KIRREL3: variants seen among roughly 807,000 people sequenced by gnomAD.
KIRREL3 encodes kirre like nephrin family adhesion molecule 3.
KIRREL3 carries 36 observed loss-of-function variants against 89.7 expected under a neutral mutation model. The observed-to-expected ratio is 0.40, with a 90% CI of 0.31 to 0.53. The LOEUF is 0.53. KIRREL3 is among the 20% of genes least tolerant of loss of function. The pLI is 0.49. For synonymous variants in KIRREL3, 445 were observed against 441.4 expected, an observed-to-expected ratio of 1.01 and a Z score of -0.10; for missense variants, 864 against 1,056.6, an observed-to-expected ratio of 0.82 and a Z score of 2.53.
chr11:126,959,500 A>G (rs1949021228), intron 1 of KIRREL3, among the ~76,000 whole-genome samples: 1 of 152,182 alleles, frequency 6.6e-6, no homozygotes, highest in African/African-American at 2.4e-5. Context: ...TGCATGCTAT[A>G]CTTGAATAAT....
intron 1 of KIRREL3, among the ~76,000 whole-genome samples, chr11:126,648,691 A>G (rs1282041492): frequency 1.3e-5 from 2 of 152,254 alleles, no homozygotes; most frequent in Non-Finnish European, 2.9e-5. Flanking sequence ...GAACATATAT[A>G]TGTATGTAAT....
At chr11:126,759,608 C>T (rs2134264962) in intron 1 of KIRREL3, among the ~76,000 whole-genome samples, 2 of 152,240 alleles carry the variant, frequency 1.3e-5, no homozygotes, top group Middle Eastern at 6.8e-3. Context: ...AGGAAGATGG[C>T]CTGCTTCTAA....
chr11:126,889,232 C>T (rs902794453), intron 1 of KIRREL3, among the ~76,000 whole-genome samples: 5 of 151,510 alleles, frequency 3.3e-5, no homozygotes, highest in Non-Finnish European at 7.4e-5. Context: ...CTTTATTCTC[C>T]CCCTGCCCCT....
chr11:126,529,992 C>CT (rs1390701425), intron 2 of KIRREL3, among the ~76,000 whole-genome samples: 1 of 151,374 alleles, frequency 6.6e-6, no homozygotes, highest in Admixed American at 6.6e-5. Flanking sequence ...TCTGACAGAC[C>CT]TTAGGGCCTC....
intron 1 of KIRREL3, among the ~76,000 whole-genome samples, chr11:126,775,935 C>A (rs1238221359): frequency 1.3e-5 from 2 of 152,132 alleles, no homozygotes; most frequent in African/African-American, 4.8e-5. Context: ...GACCTCTGAC[C>A]CCTATGGCTT....
intron 1 of KIRREL3, among the ~76,000 whole-genome samples, chr11:126,604,852 TCA>T (rs1942822327): frequency 6.6e-6 from 1 of 152,198 alleles, no homozygotes; most frequent in African/African-American, 2.4e-5. Context: ...CCTGCTAACT[TCA>T]CAGAGCCTCA....
At chr11:126,841,780 T>G (rs907228415) in intron 1 of KIRREL3, among the ~76,000 whole-genome samples, 4 of 152,262 alleles carry the variant, frequency 2.6e-5, no homozygotes, top group African/African-American at 9.6e-5. Context: ...CTTTCATTGT[T>G]GTTGGCAGTG....
intron 1 of KIRREL3, among the ~76,000 whole-genome samples, chr11:126,774,108 G>T (rs1176333259): frequency 2.0e-5 from 3 of 150,226 alleles, no homozygotes; most frequent in Non-Finnish European, 4.4e-5. Flanking sequence ...TTGGATACTT[G>T]CATGTAGGAG....
At chr11:126,603,575 A>G (rs982205535) in intron 1 of KIRREL3, among the ~76,000 whole-genome samples, 9 of 152,378 alleles carry the variant, frequency 5.9e-5, no homozygotes, top group African/African-American at 2.2e-4. Flanking sequence ...CTCTGCAGAC[A>G]TGCTGAACTG....
intron 1 of KIRREL3, among the ~76,000 whole-genome samples, chr11:126,984,483 C>G (rs1281165861): frequency 6.6e-6 from 1 of 152,160 alleles, no homozygotes; most frequent in Non-Finnish European, 1.5e-5. Flanking sequence ...GGGGTCACAG[C>G]CTATGGACCC....
rs1950532209 is a variant in KIRREL3 at position 126,788,011 on chromosome 11, G to A, written c.55+212444C>T. On this transcript the variant is annotated intron_variant, in intron 1 of 16. Coordinates refer to ENST00000525144, the MANE Select transcript of KIRREL3 (RefSeq NM_032531.4). This position sits in a 1 kb window ranked among gnomAD's most constrained non-coding sequence, Gnocchi z 4.1. ...TCATCACCCCCATTTTACAGGCAGGGAAGCTGAAGCACAGAGAGGTCAAGT... is the reference window on the plus strand; with the variant it reads ...TCATCACCCCCATTTTACAGGCAGGAAAGCTGAAGCACAGAGAGGTCAAGT... Among the ~76,000 whole-genome samples, 1 of 152,186 alleles carries A rather than the reference G, an allele frequency of 6.6e-6. No individual in the cohort carries two copies.
intron 1 of KIRREL3, among the ~76,000 whole-genome samples, chr11:126,670,423 A>G (rs1432119583): frequency 6.6e-6 from 1 of 152,178 alleles, no homozygotes; most frequent in African/African-American, 2.4e-5. Context: ...CACCACCCCT[A>G]TTGACCACTG....
In KIRREL3 at chr11:126,687,973, C is replaced by T. The variant is rs901799873; in HGVS notation, c.56-125061G>A. Among the ~76,000 whole-genome samples the T allele has an allele frequency of 2.6e-5, 4 of 152,194 alleles. No individual in the cohort carries two copies. The highest frequency in any genetic ancestry group is 6.5e-5 in the Admixed American group (1 of 15,286). On this transcript the variant is annotated intron_variant, in intron 1 of 16. Transcript: ENST00000525144. The surrounding 1 kb of genome is among the most constrained non-coding windows in gnomAD (Gnocchi z 4.6). ...AGGTGTATCAAAGGTATTCCAGTGC[C>T]AGTTAAATTTGAGAGAGAAATCATT...
intron 11 of KIRREL3, among the ~76,000 whole-genome samples, chr11:126,438,290 C>T (rs1476553108): frequency 6.6e-6 from 1 of 152,260 alleles, no homozygotes; most frequent in Admixed American, 6.5e-5. Flanking sequence ...TACAGGGCTG[C>T]TGGTTAACAG....
intron 1 of KIRREL3, among the ~76,000 whole-genome samples, chr11:126,880,093 C>T (rs891532140): frequency 1.3e-5 from 2 of 152,160 alleles, no homozygotes; most frequent in African/African-American, 4.8e-5. Flanking sequence ...AATGGATTAG[C>T]CAATACAGAT....
rs1958898134 is a variant in KIRREL3, at chr11:126,530,131, G to T, written c.134-3444C>A. 6.6e-6 allele frequency among the ~76,000 whole-genome samples: 1 copy of T among 152,092 alleles called. No individual in the cohort carries two copies. ...GACTGAGTCTCACTCTGTCGCCCAGGCTGGAGTTCAGTGGGGCAATCTTGG... is the reference window on the plus strand; with the variant it reads ...GACTGAGTCTCACTCTGTCGCCCAGTCTGGAGTTCAGTGGGGCAATCTTGG... On this transcript the variant is annotated intron_variant, in intron 2 of 16. Coordinates refer to ENST00000525144, the MANE Select transcript of KIRREL3 (RefSeq NM_032531.4). This position sits in a 1 kb window ranked among gnomAD's most constrained non-coding sequence, Gnocchi z 5.8.
At position 126,509,857 on chromosome 11, in the gene KIRREL3, C is replaced by T. The variant is rs1488397523; in HGVS notation, c.433+11458G>A. On this transcript the variant is annotated intron_variant, in intron 4 of 16. Coordinates refer to ENST00000525144, the MANE Select transcript of KIRREL3 (RefSeq NM_032531.4). ...CTAAAAATACAGAAAATTAGCTGGG[C>T]GTGGTGGTGCACATCTGTAATCCCA... Among the ~76,000 whole-genome samples, 5 of 151,780 alleles carry T rather than the reference C, an allele frequency of 3.3e-5. No homozygotes were observed. The East Asian group carries it at 7.7e-4, about 23-fold the overall frequency.
In KIRREL3 at chr11:126,551,580, TC is replaced by T. The variant is rs1939265438; in HGVS notation, c.133+11254del. On this transcript the variant is annotated intron_variant, in intron 2 of 16. Coordinates refer to ENST00000525144, the MANE Select transcript of KIRREL3 (RefSeq NM_032531.4). The surrounding 1 kb of genome is among the most constrained non-coding windows in gnomAD (Gnocchi z 4.9). The stretch of plus-strand genomic sequence containing the variant: ...CCTTACAGCAAAAGAATATATATGA[TC>T]ATTTAACAATTAGTCCAGTGCACTG... Among the ~76,000 whole-genome samples the T allele has an allele frequency of 6.6e-6, 1 of 151,718 alleles. No individual in the cohort carries two copies. Among genetic ancestry groups the T allele is most frequent in the African/African-American group, 2.4e-5 (1 of 41,278 alleles).
rs1270481555 is a variant in KIRREL3, at chr11:126,475,994, G to A, written c.434-2528C>T. ...CACGTGGAGCCCTGGGGACAGCCTG[G>A]ATACCTGGGGCCTCAGCCTTCCCAG... On this transcript the variant is annotated intron_variant, in intron 4 of 16. Coordinates refer to ENST00000525144, the MANE Select transcript of KIRREL3 (RefSeq NM_032531.4). The surrounding 1 kb of genome is among the most constrained non-coding windows in gnomAD (Gnocchi z 7.5). Among the ~76,000 whole-genome samples the A allele has an allele frequency of 6.6e-6, 1 of 152,182 alleles. No individual in the cohort carries two copies. Among genetic ancestry groups the A allele is most frequent in the East Asian group, 1.9e-4 (1 of 5,184 alleles).
Sources: gnomAD v4.1 joint callset for allele counts (sites outside exome capture counted in the v4.1 genomes callset) on GRCh38, gnomAD v4.1.1 for gene constraint, Gnocchi (gnomAD v3.1) non-coding constraint, MANE v1.5 for transcripts, NCBI Gene and HGNC (gene_info 2026-07-23, HGNC 2026-07-21) for gene names.